Variants in GUCY2C observed in about 807,000 individuals in gnomAD.
GUCY2C encodes guanylyl cyclase C.
Under a neutral mutation model 131.1 loss-of-function variants are expected in GUCY2C, and 118 were observed. The ratio of observed to expected loss-of-function variants is 0.90; its 90% CI spans 0.78 to 1.05. The LOEUF is 1.05. GUCY2C is among the 50% of genes least tolerant of loss of function. The pLI is 0.00. For synonymous variants in GUCY2C, 452 were observed against 457.8 expected (o/e 0.99, Z 0.16); for missense variants, 1,161 against 1,304.4 (o/e 0.89, Z 1.69).
chr12:14,654,430 C>T (rs1270960751), intron 12 of GUCY2C, among the ~76,000 whole-genome samples: 2 of 152,134 alleles, frequency 1.3e-5, no homozygotes, highest in Non-Finnish European at 2.9e-5. Context: ...TTCTGATCCA[C>T]CTGCTTCCCA....
Position 14,661,076 on chromosome 12 carries a change from T to C in GUCY2C, c.1283-14A>G, listed in dbSNP as rs1341269464. ...GGATCTGAGGGCCTGTGGCGGAAAA[T>C]GCGTTAGGAAGGACCTTAGACAAGA... On this transcript the variant is annotated splice_polypyrimidine_tract_variant and intron_variant, in intron 10 of 26. Coordinates refer to ENST00000261170, the MANE Select transcript of GUCY2C (RefSeq NM_004963.4). 3.2e-6 allele frequency: 5 copies of C among 1,565,242 alleles called. No individual in the cohort carries two copies. Among genetic ancestry groups the C allele is most frequent in the Non-Finnish European group, 4.4e-6 (5 of 1,135,786 alleles).
chr12:14,680,636 G>A lies in GUCY2C; in HGVS notation c.733+720C>T, dbSNP rs181115518. ...TTGTCAAGAGAATTCTGTGGAAAGTGCAACAAATCCCCTAATATCTTAGTG... is the reference window on the plus strand; with the variant it reads ...TTGTCAAGAGAATTCTGTGGAAAGTACAACAAATCCCCTAATATCTTAGTG... On this transcript the variant is annotated intron_variant, in intron 5 of 26. Transcript: ENST00000261170. 2.0e-5 allele frequency among the ~76,000 whole-genome samples: 3 copies of A among 152,254 alleles called. No homozygotes were observed. In the East Asian group the frequency reaches 5.8e-4, roughly 29 times the overall value.
At chr12:14,663,665 A>C (rs1295428209) in intron 10 of GUCY2C, among the ~76,000 whole-genome samples, 2 of 152,210 alleles carry the variant, frequency 1.3e-5, no homozygotes, top group Non-Finnish European at 2.9e-5. Context: ...TGAAAGCAGA[A>C]TCCTAAACCT....
intron 6 of GUCY2C, 108 bp downstream of exon 6, chr12:14,679,549 C>A (rs1948305962): frequency 1.5e-6 from 1 of 657,878 alleles, no homozygotes; most frequent in Non-Finnish European, 2.8e-6. Flanking sequence ...TCATACTTAA[C>A]CCCATAAGGG....
chr12:14,674,817 G>A, intron 7 of GUCY2C, 57 bp from the exon 8 acceptor site: 1 of 1,364,800 alleles, frequency 7.3e-7, no homozygotes. Context: ...CTTGTCTTGA[G>A]CCTAGAACAA....
At chr12:14,675,561 G>A (rs1948215968) in intron 7 of GUCY2C, among the ~76,000 whole-genome samples, 1 of 152,164 alleles carries the variant, frequency 6.6e-6, no homozygotes. Flanking sequence ...AGTTTTGATT[G>A]GATGATGCCA....
At chr12:14,651,139 T>C (rs778986900) in intron 15 of GUCY2C, among the ~76,000 whole-genome samples, 2 of 152,218 alleles carry the variant, frequency 1.3e-5, no homozygotes, top group Non-Finnish European at 2.9e-5. Context: ...GAAAATAAAA[T>C]GTATTTGGAG....
rs1445649641 is a variant in GUCY2C, at chr12:14,681,439, G to A, written c.650C>T (p.Ser217Phe). 6.2e-7 allele frequency: 1 copy of A among 1,612,300 alleles called. No individual in the cohort carries two copies. The highest frequency in any genetic ancestry group is 1.7e-5 in the Admixed American group (1 of 59,968). ...CACCACCTTAAAGCCGAGTTCGTGGGAGAAATAGGAAACGCTAGCCTCCAG... is the reference window on the plus strand; with the variant it reads ...CACCACCTTAAAGCCGAGTTCGTGGAAGAAATAGGAAACGCTAGCCTCCAG... ...NALEASVSYF[S>F]HELGFKVVLR... is the part of the protein sequence containing the mutation. The change falls in exon 5 of 27, where the codon TCC (serine) becomes TTC (phenylalanine). Residue 217 changes from serine to phenylalanine, a missense_variant. Coordinates refer to ENST00000261170, the MANE Select transcript of GUCY2C (RefSeq NM_004963.4).
chr12:14,695,583 A>G (rs1312753344), intron 1 of GUCY2C, among the ~76,000 whole-genome samples: 2 of 140,324 alleles, frequency 1.4e-5, no homozygotes, highest in East Asian at 4.2e-4. Flanking sequence ...CCTGGGTGAC[A>G]GAGTGAGACT....
At chr12:14,685,384 CA>C (rs1373610447) in intron 3 of GUCY2C, among the ~76,000 whole-genome samples, 1 of 152,026 alleles carries the variant, frequency 6.6e-6, no homozygotes, top group Admixed American at 6.6e-5. Context: ...ACAGAATTTT[CA>C]GAGGTCTAAT....
In GUCY2C at chr12:14,696,372, A is replaced by G; in HGVS notation, c.77T>C (p.Val26Ala). ...GCTGCCATTGTGGCAGTTCTGACTCACCTGGGAACTAAAGGACAGCCACCC... is the reference window on the plus strand; with the variant it reads ...GCTGCCATTGTGGCAGTTCTGACTCGCCTGGGAACTAAAGGACAGCCACCC... The part of the protein sequence containing the change: ...QPGWLSFSSQ[V>A]SQNCHNGSYE... Residue 26 changes from valine to alanine, a missense_variant, in exon 1 of 27, where the codon GTG becomes GCG. Physicochemically the swap from Val to Ala is moderately conservative, Grantham distance 64 (BLOSUM62 0). Coordinates refer to ENST00000261170, the MANE Select transcript of GUCY2C (RefSeq NM_004963.4). 6.2e-7 allele frequency: 1 copy of G among 1,614,036 alleles called. No homozygotes were observed. Among genetic ancestry groups the G allele is most frequent in the Non-Finnish European group, 8.5e-7 (1 of 1,179,996 alleles).
chr12:14,682,429 C>T (rs1057189121), intron 4 of GUCY2C, among the ~76,000 whole-genome samples: 2 of 152,162 alleles, frequency 1.3e-5, no homozygotes, highest in Non-Finnish European at 2.9e-5. Flanking sequence ...GCTTGTCCTT[C>T]GCCTTCTGCC....
Position 14,613,961 on chromosome 12 carries a change from T to G in GUCY2C, c.3048-670A>C, listed in dbSNP as rs577692390. Among the ~76,000 whole-genome samples the G allele has an allele frequency of 6.6e-6, 1 of 152,210 alleles. No homozygotes were observed. The highest frequency in any genetic ancestry group is 2.4e-5 in the African/African-American group (1 of 41,552). ...AAACCTGTCAGTTAACCCTGAAACTTTGTCTTCCTCATCTCAGGGAGAACA... is the reference window on the plus strand; with the variant it reads ...AAACCTGTCAGTTAACCCTGAAACTGTGTCTTCCTCATCTCAGGGAGAACA... On this transcript the variant is annotated intron_variant, in intron 26 of 26. Coordinates refer to ENST00000261170, the MANE Select transcript of GUCY2C (RefSeq NM_004963.4). The surrounding 1 kb of genome is among the most constrained non-coding windows in gnomAD (Gnocchi z 4.9).
intron 9 of GUCY2C, among the ~76,000 whole-genome samples, chr12:14,671,596 T>A (rs543522654): frequency 6.6e-6 from 1 of 152,378 alleles, no homozygotes; most frequent in East Asian, 1.9e-4. Flanking sequence ...ATACATGTTA[T>A]ATAGCACAAC....
rs1948506918 is a variant in GUCY2C, at chr12:14,688,027, G to A, written c.254C>T (p.Ser85Leu). ...NVTVNATFMYSDGLIHNSGDC... is the reference protein window; with the variant it reads ...NVTVNATFMYLDGLIHNSGDC... ...GCCTGAGTTATGAATCAGACCATCC[G>A]AATACATGAAAGTAGCGTTCACAGT... Residue 85 changes from serine to leucine, a missense_variant, in exon 2 of 27, where the codon TCG becomes TTG. Transcript: ENST00000261170. The A allele has an allele frequency of 1.9e-6, 3 of 1,613,670 alleles. No individual in the cohort carries two copies. Among genetic ancestry groups the A allele is most frequent in the East Asian group, 2.2e-5 (1 of 44,878 alleles).
At position 14,696,530 on chromosome 12, in the gene GUCY2C, T is replaced by C; in HGVS notation, c.-82A>G. ...CTCCTAGGGAGGCAGGGAATCCAGA[T>C]GGACAGCCTCTAGTGGAGTCCCTCA... On this transcript the variant is annotated 5_prime_UTR_variant, in exon 1 of 27. Coordinates refer to ENST00000261170, the MANE Select transcript of GUCY2C (RefSeq NM_004963.4). 9.7e-7 allele frequency: 1 copy of C among 1,035,844 alleles called. No individual in the cohort carries two copies. The highest frequency in any genetic ancestry group is 1.5e-6 in the Non-Finnish European group (1 of 679,146). The allele number at this position is 1,035,844 out of a possible 1,614,324, so 64.2% of individuals were successfully genotyped here.
At position 14,683,071 on chromosome 12, in the gene GUCY2C, C is replaced by T. The variant is rs143949572; in HGVS notation, c.582G>A (p.Lys194=). ...AACAGTCCTCAGTTTCTGTACCATT[C>T]TTGTAAACATACGAAGTGCTCCAGG... ...TYSWSTSYVY[K]NGTETEDCFW... Residue 194 remains lysine (K), a synonymous_variant, in exon 4 of 27, where the codon AAG becomes AAA. Coordinates refer to ENST00000261170, the MANE Select transcript of GUCY2C (RefSeq NM_004963.4). 31 of 1,613,018 alleles carry T rather than the reference C, an allele frequency of 1.9e-5. No individual in the cohort carries two copies. The highest frequency in any genetic ancestry group is 2.5e-5 in the Non-Finnish European group (30 of 1,179,206).
intron 1 of GUCY2C, among the ~76,000 whole-genome samples, chr12:14,693,756 C>T (rs1948613738): frequency 6.6e-6 from 1 of 152,214 alleles, no homozygotes. Flanking sequence ...CATTTAACAA[C>T]CTGCCCACTA....
intron 11 of GUCY2C, among the ~76,000 whole-genome samples, chr12:14,660,146 G>T (rs1947838905): frequency 6.6e-6 from 1 of 152,154 alleles, no homozygotes; most frequent in African/African-American, 2.4e-5. Flanking sequence ...ACATTCACAT[G>T]AGAAAGTATA....
Sources: allele counts gnomAD v4.1 joint callset (sites outside exome capture counted in the v4.1 genomes callset), GRCh38; gene constraint gnomAD v4.1.1; non-coding constraint Gnocchi (gnomAD v3.1); transcripts MANE v1.5; gene names NCBI Gene and HGNC (gene_info 2026-07-23, HGNC 2026-07-21).